Variants in SP100 observed in about 807,000 individuals in gnomAD.
SP100 encodes SP100 nuclear body protein.
A neutral mutation model predicts 130.0 loss-of-function variants in SP100; 84 were observed. That is an observed-to-expected ratio of 0.65 (90% CI 0.54 to 0.77). The LOEUF (loss-of-function observed/expected upper bound fraction) is 0.77. Ranked by LOEUF, SP100 falls within the 30% of genes least tolerant of loss-of-function variation. SP100 has a pLI of 0.00. For missense variants in SP100, 978 were observed against 1,052.2 expected (o/e 0.93, Z 0.97); for synonymous variants, 331 against 351.7 (o/e 0.94, Z 0.66).
chr2:230,510,960 G>A, intron 23 of SP100, 165 bp from the exon 24 acceptor site: 1 of 660,106 alleles, frequency 1.5e-6, no homozygotes, highest in South Asian at 1.7e-5. Context: ...ACATAATTTA[G>A]TGCTTTTTTA....
At chr2:230,439,820 T>C (rs549648517) in intron 2 of SP100, among the ~76,000 whole-genome samples, 1 of 152,252 alleles carries the variant, frequency 6.6e-6, no homozygotes, top group African/African-American at 2.4e-5. Flanking sequence ...TTTATTTCTT[T>C]CTTTTGTCTG....
chr2:230,494,526 C>T (rs148670431), intron 18 of SP100, 66 bp downstream of exon 18: 1 of 1,223,346 alleles, frequency 8.2e-7, no homozygotes, highest in African/African-American at 1.5e-5. Context: ...TGCCAGACCC[C>T]ATCTTTGCTG....
intron 19 of SP100, 101 bp downstream of exon 19, chr2:230,498,636 T>TA: frequency 1.7e-6 from 1 of 573,898 alleles, no homozygotes; most frequent in Non-Finnish European, 2.8e-6. Flanking sequence ...CTGTACTTAC[T>TA]GTTGAGAAAT....
At chr2:230,474,573 T>C in intron 17 of SP100, 126 bp downstream of exon 17, 1 of 595,696 alleles carries the variant, frequency 1.7e-6, no homozygotes, top group Non-Finnish European at 3.0e-6. Flanking sequence ...ATTTGCAGGT[T>C]TGTTACATGG....
intron 1 of SP100, 84 bp downstream of exon 1, chr2:230,416,412 C>T: frequency 7.6e-6 from 9 of 1,190,582 alleles, no homozygotes; most frequent in Non-Finnish European, 9.8e-6. Context: ...GTGCCTAAGG[C>T]TTCACTTTAA....
Position 230,504,208 on chromosome 2 carries a change from A to G in SP100, c.1788A>G (p.Glu596=). ...RKRGPRIPKD[E]NINFKQSELP... is the part of the protein sequence containing the mutation. The stretch of plus-strand genomic sequence containing the variant: ...CAGGTCCAAGAATTCCCAAAGATGA[A>G]AATATTAATTTTAAACAATCTGAAC... Residue 596 remains glutamate, a synonymous_variant, in exon 21 of 29, where the codon GAA becomes GAG. Coordinates refer to ENST00000340126, the MANE Select transcript of SP100 (RefSeq NM_001080391.2). 6.2e-7 allele frequency: 1 copy of G among 1,611,214 alleles called. No homozygotes were observed. The highest frequency in any genetic ancestry group is 8.5e-7 in the Non-Finnish European group (1 of 1,177,922).
intron 19 of SP100, among the ~76,000 whole-genome samples, chr2:230,502,783 A>G (rs2067109649): frequency 6.6e-6 from 1 of 152,234 alleles, no homozygotes; most frequent in African/African-American, 2.4e-5. Flanking sequence ...GGGCAAATCT[A>G]TCCTGCTGAC....
intron 17 of SP100, among the ~76,000 whole-genome samples, chr2:230,487,908 G>A (rs918663510): frequency 6.6e-6 from 1 of 152,102 alleles, no homozygotes; most frequent in Admixed American, 6.5e-5. Context: ...CACATCCCTT[G>A]TTAGCTGTAT....
intron 10 of SP100, among the ~76,000 whole-genome samples, chr2:230,463,189 G>T (rs1376183407): frequency 6.6e-6 from 1 of 152,134 alleles, no homozygotes; most frequent in African/African-American, 2.4e-5. Flanking sequence ...ATGTTTCAAA[G>T]TCATCTCCAA....
At chr2:230,524,179 CAAAAAAA>C (rs71420292) in intron 24 of SP100, among the ~76,000 whole-genome samples, 8 of 75,390 alleles carry the variant, frequency 1.1e-4, no homozygotes, top group South Asian at 4.9e-4. Context: ...ACTAAAAATA[CAAAAAAA>C]AAAAAAAAAA....
At position 230,475,628 on chromosome 2, in the gene SP100, AG is replaced by A. The variant is rs2065501374; in HGVS notation, c.1600+1184del. Reference sequence around the variant, plus strand: ...TTCTTTGCCAAAGCCTATGTCAGGAAGGGTATTTCCTAGGTTTATTCTAGGA... The same window carrying A: ...TTCTTTGCCAAAGCCTATGTCAGGAAGGTATTTCCTAGGTTTATTCTAGGA... On this transcript the variant is annotated intron_variant, in intron 17 of 28. Transcript: ENST00000340126. Among the ~76,000 whole-genome samples the A allele has an allele frequency of 2.0e-5, 3 of 152,148 alleles. No individual in the cohort carries two copies. The South Asian group carries it at 6.2e-4, about 32-fold the overall frequency.
intron 1 of SP100, 105 bp downstream of exon 1, chr2:230,416,433 C>T (rs2062601812): frequency 1.0e-6 from 1 of 967,540 alleles, no homozygotes; most frequent in African/African-American, 1.6e-5. Flanking sequence ...TCCTTCTTTG[C>T]AAGAACATAG....
chr2:230,450,687 A>T (rs1236050644), intron 8 of SP100, among the ~76,000 whole-genome samples: 1 of 152,114 alleles, frequency 6.6e-6, no homozygotes, highest in African/African-American at 2.4e-5. Context: ...CTATAAATTC[A>T]TCTTTTTTAC....
chr2:230,469,780 TAA>T (rs372197214), intron 14 of SP100: 638 of 1,120,446 alleles, frequency 5.7e-4, no homozygotes, highest in East Asian at 2.3e-3. Flanking sequence ...TTCCCAAAGT[TAA>T]AAAAAAAAAA....
intron 15 of SP100, chr2:230,473,038 C>CT: frequency 3.7e-6 from 1 of 268,674 alleles, no homozygotes; most frequent in Admixed American, 4.8e-5. Context: ...ACCTCCAAAA[C>CT]TGAGCACATC....
At chr2:230,536,014 G>A (rs1691924839) in intron 24 of SP100, among the ~76,000 whole-genome samples, 1 of 151,698 alleles carries the variant, frequency 6.6e-6, no homozygotes, top group Non-Finnish European at 1.5e-5. Flanking sequence ...ATGGCCTTGT[G>A]AGAGGTTCCA....
chr2:230,510,908 A>G (rs953276147), intron 23 of SP100: 3 of 586,480 alleles, frequency 5.1e-6, no homozygotes, highest in Admixed American at 6.0e-5. Context: ...TGGGTGTGAG[A>G]GCCAGGAAAT....
intron 8 of SP100, among the ~76,000 whole-genome samples, chr2:230,451,492 T>C (rs2063982142): frequency 6.6e-6 from 1 of 152,252 alleles, no homozygotes; most frequent in South Asian, 2.1e-4. Context: ...GTTTGTTTGT[T>C]TGTTTGTATT....
At chr2:230,416,415 C>T in intron 1 of SP100, 87 bp downstream of exon 1, 2 of 1,108,742 alleles carry the variant, frequency 1.8e-6, no homozygotes, top group Non-Finnish European at 2.7e-6. Context: ...CCTAAGGCTT[C>T]ACTTTAATCC....
Sources: allele counts gnomAD v4.1 joint callset (sites outside exome capture counted in the v4.1 genomes callset), GRCh38; gene constraint gnomAD v4.1.1; transcripts MANE v1.5; gene names NCBI Gene and HGNC (gene_info 2026-07-23, HGNC 2026-07-21).